The following CALN1 variants were observed in gnomAD, a reference collection of about 807,000 sequenced individuals.
The protein encoded by CALN1 is calcium-binding protein 8.
Under a neutral mutation model 30.6 loss-of-function variants are expected in CALN1, and 17 were observed. That is an observed-to-expected ratio of 0.56 (90% confidence interval 0.38 to 0.83). The LOEUF (loss-of-function observed/expected upper bound fraction) is 0.83, where lower values mean the gene tolerates loss of function less well. CALN1 is among the 40% of genes least tolerant of loss of function. CALN1 has a pLI of 0.00. For missense variants in CALN1, 291 were observed against 354.9 expected (o/e 0.82, Z 1.45); for synonymous variants, 156 against 131.4 (o/e 1.19, Z -1.28).
At chr7:72,139,864 C>T (rs1809769277) in intron 3 of CALN1, among the ~76,000 whole-genome samples, 1 of 152,178 alleles carries the variant, frequency 6.6e-6, no homozygotes, top group Non-Finnish European at 1.5e-5. Flanking sequence ...AAATGACAAA[C>T]ACCTATTTAT....
At chr7:72,364,897 T>C (rs1008253341) in intron 2 of CALN1, among the ~76,000 whole-genome samples, 3 of 151,656 alleles carry the variant, frequency 2.0e-5, no homozygotes, top group Admixed American at 6.6e-5. Context: ...TAGCCGGACA[T>C]GGTGGCACAC....
chr7:71,952,300 G>A (rs905226581), intron 5 of CALN1, among the ~76,000 whole-genome samples: 3 of 152,102 alleles, frequency 2.0e-5, no homozygotes, highest in East Asian at 3.9e-4. Flanking sequence ...CCTCAACAGC[G>A]GCTCAGTGGC....
intron 5 of CALN1, among the ~76,000 whole-genome samples, chr7:71,819,283 A>G (rs1010689390): frequency 1.3e-5 from 2 of 148,624 alleles, no homozygotes; most frequent in Non-Finnish European, 1.5e-5. Flanking sequence ...ATCTTGGCTC[A>G]CTGCAACCTC....
At chr7:71,844,059 G>A (rs983854830) in intron 5 of CALN1, among the ~76,000 whole-genome samples, 3 of 152,092 alleles carry the variant, frequency 2.0e-5, no homozygotes, top group African/African-American at 7.2e-5. Context: ...CCCTGGAGTT[G>A]GGACAGTCAT....
At chr7:71,878,033 G>A (rs1012043611) in intron 5 of CALN1, among the ~76,000 whole-genome samples, 3 of 152,188 alleles carry the variant, frequency 2.0e-5, no homozygotes, top group African/African-American at 7.2e-5. Context: ...CCAAGATTTT[G>A]CATTTCTAAC....
intron 6 of CALN1, among the ~76,000 whole-genome samples, chr7:71,805,886 A>G (rs1053594491): frequency 1.3e-5 from 2 of 152,192 alleles, no homozygotes; most frequent in East Asian, 3.9e-4. Context: ...GTACATATAC[A>G]CAATGGCATA....
intron 2 of CALN1, among the ~76,000 whole-genome samples, chr7:72,397,714 T>TCTCTCACACACACACACACACA (rs142607076): frequency 7.0e-6 from 1 of 142,806 alleles, no homozygotes; most frequent in African/African-American, 2.6e-5. Context: ...CCATTCTCTC[T>TCTCTCACACACACACACACACA]CACACACACA....
chr7:72,403,020 G>C (rs1226300966), intron 2 of CALN1, among the ~76,000 whole-genome samples: 1 of 152,158 alleles, frequency 6.6e-6, no homozygotes, highest in Non-Finnish European at 1.5e-5. Context: ...CTCCCCAAGA[G>C]TCAGTTTGCA....
the CALN1 span, among the ~76,000 whole-genome samples, chr7:72,474,867 A>G: frequency 1.3e-5 from 2 of 152,060 alleles, no homozygotes; most frequent in African/African-American, 4.8e-5. Flanking sequence ...GGCCTCTTCC[A>G]TCCTTGACTT....
In CALN1 at chr7:72,289,414, T is replaced by C. The variant is rs1166749286; in HGVS notation, c.120-10604A>G. Among the ~76,000 whole-genome samples, 8 of 152,192 alleles carry C rather than the reference T, an allele frequency of 5.3e-5. No homozygotes were observed. The East Asian group carries it at 1.5e-3, about 29-fold the overall frequency. On this transcript the variant is annotated intron_variant, in intron 2 of 6. Transcript: ENST00000395275. Reference sequence around the variant, plus strand: ...TCTGGATGAAAGTTAGTTCTAATATTCAAAAGCTCTTACACAAAATTTGCA... The same window carrying C: ...TCTGGATGAAAGTTAGTTCTAATATCCAAAAGCTCTTACACAAAATTTGCA...
intron 5 of CALN1, among the ~76,000 whole-genome samples, chr7:71,953,438 G>A (rs1205912295): frequency 6.6e-6 from 1 of 152,110 alleles, no homozygotes; most frequent in East Asian, 1.9e-4. Context: ...CAGGCCACTC[G>A]AATTGCTGTC....
chr7:72,162,070 T>C (rs1365318982), intron 3 of CALN1, among the ~76,000 whole-genome samples: 2 of 151,548 alleles, frequency 1.3e-5, no homozygotes, highest in Non-Finnish European at 2.9e-5. Context: ...TTCAACAACA[T>C]TCTATAAGAC....
At position 72,222,571 on chromosome 7, in the gene CALN1, G is replaced by T. The variant is rs184401168; in HGVS notation, c.244+56115C>A. On this transcript the variant is annotated intron_variant, in intron 3 of 6. Coordinates refer to ENST00000395275, the MANE Select transcript of CALN1 (RefSeq NM_031468.4). The stretch of plus-strand genomic sequence containing the variant: ...CCTACCAGGCCCCCCTCCAACACTG[G>T]GGATTACAATTGAACATGAGATTTG... Among the ~76,000 whole-genome samples the T allele has an allele frequency of 3.6e-4, 55 of 152,172 alleles. No individual in the cohort carries two copies. The East Asian group carries it at 7.4e-3, about 20-fold the overall frequency.
intron 3 of CALN1, among the ~76,000 whole-genome samples, chr7:72,150,145 CAGAT>C (rs1472302097): frequency 8.8e-6 from 1 of 113,160 alleles, no homozygotes; most frequent in Non-Finnish European, 1.9e-5. Flanking sequence ...AAAAAAAAAA[CAGAT>C]AGAAGTTACC....
the CALN1 span, among the ~76,000 whole-genome samples, chr7:72,468,917 G>A: frequency 6.6e-6 from 1 of 152,154 alleles, no homozygotes; most frequent in African/African-American, 2.4e-5. Context: ...TCTTTTTGTT[G>A]TTGAGTTGTA....
intron 6 of CALN1, among the ~76,000 whole-genome samples, chr7:71,798,111 C>CAGAG (rs1787054544): frequency 2.0e-5 from 1 of 49,544 alleles, no homozygotes. Flanking sequence ...CAGAGAGAGA[C>CAGAG]AGAGACAGAG....
the CALN1 span, among the ~76,000 whole-genome samples, chr7:72,454,844 T>C: frequency 6.6e-6 from 1 of 151,958 alleles, no homozygotes; most frequent in Admixed American, 6.6e-5. Context: ...TCTTTTTTTT[T>C]TTTTGAGATG....
intron 2 of CALN1, among the ~76,000 whole-genome samples, chr7:72,359,976 C>CTAAAAAAAAA (rs1803468623): frequency 1.6e-5 from 1 of 63,954 alleles, no homozygotes; most frequent in Admixed American, 1.8e-4. Flanking sequence ...GACTCCATCT[C>CTAAAAAAAAA]AAAAAAAAAA....
chr7:72,034,259 C>T (rs844676), intron 4 of CALN1, among the ~76,000 whole-genome samples: 92,757 of 150,378 alleles, frequency 0.62, 28,740 homozygotes, highest in East Asian at 0.76. Flanking sequence ...GAGGCTGAGG[C>T]ACGAGAATGG....
Sources: gnomAD v4.1 joint callset for allele counts (sites outside exome capture counted in the v4.1 genomes callset) on GRCh38, gnomAD v4.1.1 for gene constraint, MANE v1.5 for transcripts, NCBI Gene and HGNC (gene_info 2026-07-23, HGNC 2026-07-21) for gene names.